Variants in IGSF10 observed in about 807,000 individuals in gnomAD.
The protein encoded by IGSF10 is immunoglobulin superfamily member 10, also known as calvaria mechanical force protein 608.
In IGSF10, 126 loss-of-function variants were observed where a neutral mutation model predicts 128.2. That is an observed-to-expected ratio of 0.98 (90% CI 0.85 to 1.14). IGSF10 has a LOEUF of 1.14. Among genes scored for constraint, IGSF10 ranks in the 50% most tolerant of loss-of-function variants. The probability of loss-of-function intolerance (pLI) is 0.00; values close to 1 mark genes in which losing one functional copy is unlikely to be tolerated. For synonymous variants in IGSF10, 1,185 were observed against 1,146.2 expected (o/e 1.03, Z -0.68); for missense variants, 3,295 against 3,149.8 (o/e 1.05, Z -1.10).
At chr3:151,531,959 GA>G in the IGSF10 span, among the ~76,000 whole-genome samples, 1 of 150,244 alleles carries the variant, frequency 6.7e-6, no homozygotes, top group Non-Finnish European at 1.5e-5. Flanking sequence ...CAAGAGAGAA[GA>G]ATCAAATAAA....
the IGSF10 span, among the ~76,000 whole-genome samples, chr3:151,617,260 C>CT: frequency 0.023 from 1,295 of 55,246 alleles, 22 homozygotes; most frequent in African/African-American, 0.046. Flanking sequence ...TCTTCTCCTT[C>CT]TCTTCTTCTT....
chr3:151,569,885 C>T, the IGSF10 span, among the ~76,000 whole-genome samples: 1 of 146,016 alleles, frequency 6.8e-6, no homozygotes. Flanking sequence ...CCTCCCCCAT[C>T]CCCCCACCCC....
Position 151,445,623 on chromosome 3 carries a change from C to T in IGSF10, c.4358G>A (p.Arg1453Lys), listed in dbSNP as rs1721140536. 4 of 1,614,052 alleles carry T rather than the reference C, an allele frequency of 2.5e-6. No homozygotes were observed. The South Asian group carries it at 3.3e-5, about 13-fold the overall frequency. Reference protein sequence around the residue: ...SSKSHQSTTTRKAIIRHSTIP... With the variant: ...SSKSHQSTTTKKAIIRHSTIP... ...GGTTGAGTGTCTAATGATTGCTTTC[C>T]TAGTTGTGGTACTCTGGTGTGATTT... The change falls in exon 6 of 8, where the codon AGG becomes AAG. Residue 1453 changes from arginine (R) to lysine (K), a missense_variant. Coordinates refer to ENST00000282466, the MANE Select transcript of IGSF10 (RefSeq NM_178822.5).
the IGSF10 span, among the ~76,000 whole-genome samples, chr3:151,495,310 C>T: frequency 1.3e-5 from 2 of 152,086 alleles, no homozygotes; most frequent in East Asian, 3.9e-4. Context: ...TATTCTCATA[C>T]AACAGAGAAG....
chr3:151,492,516 C>T, the IGSF10 span, among the ~76,000 whole-genome samples: 205 of 152,214 alleles, frequency 1.3e-3, 1 homozygote, highest in African/African-American at 4.6e-3. Flanking sequence ...GGGAGGATCA[C>T]TTGAGGTCAG....
chr3:151,497,968 G>A, the IGSF10 span, among the ~76,000 whole-genome samples: 1 of 151,844 alleles, frequency 6.6e-6, no homozygotes, highest in Non-Finnish European at 1.5e-5. Context: ...TCATGATTTG[G>A]CTCTCTGTCT....
chr3:151,551,425 C>G, the IGSF10 span, among the ~76,000 whole-genome samples: 1 of 152,010 alleles, frequency 6.6e-6, no homozygotes, highest in East Asian at 1.9e-4. Context: ...TTCTATTTTT[C>G]ATGTGTTTTG....
At chr3:151,547,932 G>T in the IGSF10 span, among the ~76,000 whole-genome samples, 1 of 152,174 alleles carries the variant, frequency 6.6e-6, no homozygotes, top group East Asian at 1.9e-4. Context: ...AGTCATTCTA[G>T]TTTTATATGT....
the IGSF10 span, among the ~76,000 whole-genome samples, chr3:151,501,223 A>C: frequency 6.6e-6 from 1 of 151,934 alleles, no homozygotes; most frequent in South Asian, 2.1e-4. Flanking sequence ...TTTTCTTTTT[A>C]AGTTTGCCTC....
At chr3:151,487,981 G>A in the IGSF10 span, among the ~76,000 whole-genome samples, 97 of 152,244 alleles carry the variant, frequency 6.4e-4, 1 homozygote, top group Middle Eastern at 0.01. Context: ...TCTGGCCAGG[G>A]TAATCAGGCA....
intron 4 of IGSF10, among the ~76,000 whole-genome samples, chr3:151,456,376 A>G (rs1033058590): frequency 6.6e-6 from 1 of 152,218 alleles, no homozygotes. Context: ...AAAATCATAC[A>G]TGGCTGTGCT....
chr3:151,534,334 T>G, the IGSF10 span, among the ~76,000 whole-genome samples: 1 of 152,146 alleles, frequency 6.6e-6, no homozygotes, highest in Non-Finnish European at 1.5e-5. Flanking sequence ...AAATCATTCT[T>G]CTATAAAGAC....
chr3:151,437,487 A>T lies in IGSF10; in HGVS notation c.7074T>A (p.Asn2358Lys), dbSNP rs1350752738. 1 of 1,614,074 alleles carries T rather than the reference A, an allele frequency of 6.2e-7. No individual in the cohort carries two copies. The highest frequency in any genetic ancestry group is 1.3e-5 in the African/African-American group (1 of 74,936). ...VAQLGKSTAL[N>K]CSVDGNPPPE... ...GTGGTGGGTTACCATCAACAGAGCA[A>T]TTCAATGCTGTGGACTTTCCCAGCT... Residue 2358 changes from asparagine to lysine, a missense_variant, in exon 8 of 8, where the codon AAT (asparagine) becomes AAA (lysine). Physicochemically the swap from Asn to Lys is moderately conservative, Grantham distance 94. Transcript: ENST00000282466.
At chr3:151,545,957 G>A in the IGSF10 span, among the ~76,000 whole-genome samples, 1 of 151,486 alleles carries the variant, frequency 6.6e-6, no homozygotes, top group African/African-American at 2.4e-5. Flanking sequence ...CAGCAGATGA[G>A]CTTAGCCTGG....
At chr3:151,562,226 C>T in the IGSF10 span, among the ~76,000 whole-genome samples, 73,633 of 151,994 alleles carry the variant, frequency 0.48, 18,055 homozygotes, top group South Asian at 0.58. Flanking sequence ...CTGCTGCAGT[C>T]CCGCCAGTGC....
chr3:151,510,576 T>A, the IGSF10 span, among the ~76,000 whole-genome samples: 1 of 152,172 alleles, frequency 6.6e-6, no homozygotes, highest in Non-Finnish European at 1.5e-5. Context: ...TCCAAAGGAA[T>A]GCAGCTCCTC....
chr3:151,498,529 T>C, the IGSF10 span, among the ~76,000 whole-genome samples: 1 of 152,080 alleles, frequency 6.6e-6, no homozygotes, highest in African/African-American at 2.4e-5. Flanking sequence ...ATAAACGTAA[T>C]CCAGCATATA....
At chr3:151,529,584 T>C in the IGSF10 span, among the ~76,000 whole-genome samples, 1 of 152,150 alleles carries the variant, frequency 6.6e-6, no homozygotes, top group Non-Finnish European at 1.5e-5. Flanking sequence ...AGTGGACCTC[T>C]AGCAAACTAC....
the IGSF10 span, among the ~76,000 whole-genome samples, chr3:151,468,319 G>C: frequency 7.2e-5 from 11 of 152,064 alleles, no homozygotes; most frequent in Non-Finnish European, 1.2e-4. Flanking sequence ...GCGACCAAAG[G>C]GACCTTTCTC....
Sources: allele counts gnomAD v4.1 joint callset (sites outside exome capture counted in the v4.1 genomes callset), GRCh38; gene constraint gnomAD v4.1.1; transcripts MANE v1.5; gene names NCBI Gene and HGNC (gene_info 2026-07-23, HGNC 2026-07-21).